The following TTC21B variants were observed in gnomAD, a reference collection of about 807,000 sequenced individuals.
The protein encoded by TTC21B is tetratricopeptide repeat protein 21B.
Under a neutral mutation model 175.1 loss-of-function variants are expected in TTC21B, and 127 were observed. The observed-to-expected ratio is 0.73, with a 90% CI of 0.63 to 0.84. The LOEUF (loss-of-function observed/expected upper bound fraction) is 0.84. Among genes scored for constraint, TTC21B ranks in the 40% least tolerant of loss-of-function variants. The probability of loss-of-function intolerance (pLI) is 0.00; values close to 1 mark genes in which losing one functional copy is unlikely to be tolerated. For missense variants in TTC21B, 1,561 were observed against 1,558.3 expected (o/e 1.00, Z -0.03); for synonymous variants, 524 against 524.5 (o/e 1.00, Z 0.01).
At chr2:165,893,572 T>C (rs74718092) in intron 22 of TTC21B, among the ~76,000 whole-genome samples, 1,649 of 152,232 alleles carry the variant, frequency 0.011, 27 homozygotes, top group African/African-American at 0.038. Flanking sequence ...AAAACTAAAA[T>C]GTATATTACC....
At position 165,890,630 on chromosome 2, in the gene TTC21B, C is replaced by G; in HGVS notation, c.3112G>C (p.Glu1038Gln). The change falls in exon 24 of 29, where the codon GAA (glutamate) becomes CAA (glutamine). Residue 1038 changes from glutamate (E) to glutamine (Q), a missense_variant. Coordinates refer to ENST00000243344, the MANE Select transcript of TTC21B (RefSeq NM_024753.5). ...AAATGTCGAAGGGCATCATTTGGTT[C>G]TCCAGTGTACCTTGTTAGATGTTTA... ...CKGLYLWYTG[E>Q]PNDALRHFNK... The G allele has an allele frequency of 6.2e-7, 1 of 1,613,686 alleles. No homozygotes were observed. Among genetic ancestry groups the G allele is most frequent in the Non-Finnish European group, 8.5e-7 (1 of 1,179,712 alleles).
intron 13 of TTC21B, among the ~76,000 whole-genome samples, chr2:165,918,300 CA>C (rs955241431): frequency 2.6e-5 from 4 of 151,934 alleles, no homozygotes; most frequent in Non-Finnish European, 4.4e-5. Flanking sequence ...ATATTTTCTG[CA>C]ATTTTTTTTT....
chr2:165,918,010 T>C (rs1204691623), intron 13 of TTC21B, among the ~76,000 whole-genome samples: 2 of 151,942 alleles, frequency 1.3e-5, no homozygotes, highest in African/African-American at 4.8e-5. Flanking sequence ...ACAGAAAACA[T>C]AAGAAAATGA....
Position 165,931,868 on chromosome 2 carries a change from G to A in TTC21B, c.796-12C>T, listed in dbSNP as rs1412566045. 1 of 1,574,626 alleles carries A rather than the reference G, an allele frequency of 6.4e-7. No homozygotes were observed. Among genetic ancestry groups the A allele is most frequent in the Admixed American group, 1.7e-5 (1 of 59,824 alleles). On this transcript the variant is annotated splice_polypyrimidine_tract_variant and intron_variant, in intron 7 of 28. Transcript: ENST00000243344. ...AGCTTGGTGGAAGCCTAAAACAAAA[G>A]GAACTGGTATTAACTTAAAATATAC...
chr2:165,884,103 G>T, intron 25 of TTC21B, 85 bp from the exon 26 acceptor site: 1 of 1,060,390 alleles, frequency 9.4e-7, no homozygotes, highest in Non-Finnish European at 1.4e-6. Context: ...TGCTACATAA[G>T]AACTAGTTTG....
intron 11 of TTC21B, among the ~76,000 whole-genome samples, chr2:165,925,945 GAAC>G (rs1268958123): frequency 6.6e-6 from 1 of 152,090 alleles, no homozygotes; most frequent in Non-Finnish European, 1.5e-5. Context: ...GAGTTATTGA[GAAC>G]AACCATCATT....
chr2:165,936,504 CCA>C (rs1189649767), intron 6 of TTC21B, among the ~76,000 whole-genome samples: 1 of 151,906 alleles, frequency 6.6e-6, no homozygotes, highest in African/African-American at 2.4e-5. Flanking sequence ...GAACGACAAG[CCA>C]CAGACTGGGA....
chr2:165,913,411 CTTTTA>C (rs1574096984), intron 16 of TTC21B, among the ~76,000 whole-genome samples, 158 bp downstream of exon 16: 1 of 152,170 alleles, frequency 6.6e-6, no homozygotes, highest in Admixed American at 6.5e-5. Context: ...TGATATCTCC[CTTTTA>C]TTTTATTTAT....
intron 3 of TTC21B, chr2:165,947,380 T>G (rs1404781230): frequency 1.3e-5 from 2 of 151,328 alleles, no homozygotes; most frequent in African/African-American, 4.9e-5. Flanking sequence ...GATACAAATT[T>G]AAATGTGAAA....
chr2:165,945,415 T>A, intron 4 of TTC21B, 109 bp downstream of exon 4: 1 of 1,008,738 alleles, frequency 9.9e-7, no homozygotes, highest in Non-Finnish European at 1.5e-6. Context: ...ATTTACAAAC[T>A]GGCAATAGAG....
intron 6 of TTC21B, among the ~76,000 whole-genome samples, chr2:165,939,419 A>G (rs1687285055): frequency 6.6e-6 from 1 of 152,128 alleles, no homozygotes; most frequent in African/African-American, 2.4e-5. Flanking sequence ...TATCCTGCCT[A>G]TTGTTTGCAT....
intron 25 of TTC21B, among the ~76,000 whole-genome samples, chr2:165,886,095 A>G (rs1684990038): frequency 1.3e-5 from 2 of 152,126 alleles, no homozygotes; most frequent in Non-Finnish European, 2.9e-5. Context: ...AACATACCCT[A>G]TGTTTTTCTG....
chr2:165,883,072 C>A (rs1684888100), intron 26 of TTC21B, among the ~76,000 whole-genome samples: 1 of 151,994 alleles, frequency 6.6e-6, no homozygotes, highest in Non-Finnish European at 1.5e-5. Flanking sequence ...CATTTGTAAT[C>A]TAATTCGCTC....
chr2:165,898,750 C>A lies in TTC21B; in HGVS notation c.2886G>T (p.Met962Ile), dbSNP rs1399576692. ...CTTGTTCATAGTCTTGTTTTCTGAA[C>A]ATGAGATCAGCCATCATCTATAAAG... ...EAATMMMADL[M>I]FRKQDYEQAV... The change falls in exon 22 of 29, where the codon ATG becomes ATT. Residue 962 changes from methionine to isoleucine, a missense_variant. Coordinates refer to ENST00000243344, the MANE Select transcript of TTC21B (RefSeq NM_024753.5). 1.9e-6 allele frequency: 3 copies of A among 1,612,440 alleles called. No homozygotes were observed. The highest frequency in any genetic ancestry group is 2.5e-6 in the Non-Finnish European group (3 of 1,178,630).
intron 19 of TTC21B, 112 bp from the exon 20 acceptor site, chr2:165,902,022 C>T: frequency 2.2e-6 from 2 of 928,392 alleles, no homozygotes; most frequent in East Asian, 2.6e-5. Context: ...AACCCTTGAT[C>T]TAACAAAGTC....
chr2:165,876,157 G>A lies in TTC21B; in HGVS notation c.3873+8C>T. 6.4e-7 allele frequency: 1 copy of A among 1,560,070 alleles called. No individual in the cohort carries two copies. Among genetic ancestry groups the A allele is most frequent in the Non-Finnish European group, 8.8e-7 (1 of 1,133,840 alleles). Reference sequence around the variant, plus strand: ...AAAATTTTAAGAAATCTAAATTTAAGTGTTTACCTGGTGACATATGTCAAT... The same window carrying A: ...AAAATTTTAAGAAATCTAAATTTAAATGTTTACCTGGTGACATATGTCAAT... On this transcript the variant is annotated splice_region_variant and intron_variant, in intron 28 of 28. Coordinates refer to ENST00000243344, the MANE Select transcript of TTC21B (RefSeq NM_024753.5).
At position 165,953,665 on chromosome 2, in the gene TTC21B, T is replaced by TCACCCGCC. The variant is rs2105374615; in HGVS notation, c.21+19_21+20insGGCGGGTG. ...TCCGCCCGCCCGCCCGCTCACCCGC[T>TCACCCGCC]CACCCGCTCACCCGCTCACCTTCAA... On this transcript the variant is annotated intron_variant, in intron 1 of 28. Transcript: ENST00000243344. The TCACCCGCC allele has an allele frequency of 7.1e-7, 1 of 1,414,160 alleles. No homozygotes were observed. The allele number at this position is 1,414,160 out of a possible 1,614,324, so 87.6% of individuals were successfully genotyped here.
chr2:165,953,720 C>T lies in TTC21B; in HGVS notation c.-15G>A. The T allele has an allele frequency of 6.5e-7, 1 of 1,541,802 alleles. No individual in the cohort carries two copies. Among genetic ancestry groups the T allele is most frequent in the Non-Finnish European group, 8.7e-7 (1 of 1,145,888 alleles). ...TGCGAGTCCATGGCTGCCCCGAGGC[C>T]GGGCCGCGGGGCTCTGGGGATTGTC... On this transcript the variant is annotated 5_prime_UTR_variant, in exon 1 of 29. Coordinates refer to ENST00000243344, the MANE Select transcript of TTC21B (RefSeq NM_024753.5).
rs200646617 is a variant in TTC21B at position 165,891,649 on chromosome 2, TTCC to T, written c.2951-664_2951-662del. On this transcript the variant is annotated intron_variant, in intron 22 of 28. Coordinates refer to ENST00000243344, the MANE Select transcript of TTC21B (RefSeq NM_024753.5). ...ATCTCAGGTATAATTTCCTGGCAGG[TTCC>T]TAGAAAGCCTTCTTCCAATTCTATC... Among the ~76,000 whole-genome samples the T allele has an allele frequency of 4.4e-3, 663 of 152,178 alleles. 3 individuals are homozygous for T. Among genetic ancestry groups the T allele is most frequent in the Non-Finnish European group, 7.0e-3 (476 of 67,974 alleles).
Sources: gnomAD v4.1 joint callset for allele counts (sites outside exome capture counted in the v4.1 genomes callset) on GRCh38, gnomAD v4.1.1 for gene constraint, MANE v1.5 for transcripts, NCBI Gene and HGNC (gene_info 2026-07-23, HGNC 2026-07-21) for gene names.